The following PCDHGA7 variants were observed in gnomAD, a reference collection of about 807,000 sequenced individuals.
PCDHGA7 encodes the protein protocadherin gamma subfamily A, 7.
In PCDHGA7, 44 loss-of-function variants were observed where a neutral mutation model predicts 58.3. That is an observed-to-expected ratio of 0.75 (90% CI 0.59 to 0.97). The LOEUF (loss-of-function observed/expected upper bound fraction) is 0.97. PCDHGA7 is among the 50% of genes least tolerant of loss of function. The probability of loss-of-function intolerance (pLI) is 0.00; values close to 1 mark genes in which losing one functional copy is unlikely to be tolerated. For synonymous variants in PCDHGA7, 516 were observed against 504.2 expected, an observed-to-expected ratio of 1.02 and a Z score of -0.31; for missense variants, 1,266 against 1,188.7, an observed-to-expected ratio of 1.06 and a Z score of -0.96.
intron 1 of PCDHGA7, chr5:141,427,536 G>T (rs758610182): frequency 1.6e-6 from 1 of 626,396 alleles, no homozygotes; most frequent in Non-Finnish European, 3.0e-6. Context: ...GGAGTACAAC[G>T]TCACCATCAC....
intron 1 of PCDHGA7, among the ~76,000 whole-genome samples, chr5:141,449,339 G>T (rs1307731679): frequency 6.6e-6 from 1 of 151,930 alleles, no homozygotes; most frequent in Non-Finnish European, 1.5e-5. Context: ...AGGTGCAGTG[G>T]CTCACTCCTG....
At chr5:141,385,426 T>G (rs1781187652) in intron 1 of PCDHGA7, 103 bp downstream of exon 1, 1 of 1,460,770 alleles carries the variant, frequency 6.8e-7, no homozygotes. Flanking sequence ...TTAAAAAACT[T>G]TATAGAGGTA....
At chr5:141,421,618 G>T (rs748399893) in intron 1 of PCDHGA7, 1 of 1,613,766 alleles carries the variant, frequency 6.2e-7, no homozygotes, top group Non-Finnish European at 8.5e-7. Flanking sequence ...TAATGATAAC[G>T]CCCCCAGCTT....
Position 141,395,079 on chromosome 5 carries a change from G to A in PCDHGA7, c.2424+9756G>A, listed in dbSNP as rs777930721. On this transcript the variant is annotated intron_variant, in intron 1 of 3. Coordinates refer to ENST00000518325, the MANE Select transcript of PCDHGA7 (RefSeq NM_018920.4). ...GGCTTTCCTGCAGACCTATTCCCAG[G>A]AAGTCTCCCTCACCGCCGACTCGCG... 4.0e-5 allele frequency: 65 copies of A among 1,614,024 alleles called. 1 individual carries two copies. In the Middle Eastern group the frequency reaches 6.6e-4, roughly 16 times the overall value.
chr5:141,485,105 G>A lies in PCDHGA7; in HGVS notation c.2425-9702G>A. On this transcript the variant is annotated intron_variant, in intron 1 of 3. Transcript: ENST00000518325. The surrounding 1 kb of genome is among the most constrained non-coding windows in gnomAD (Gnocchi z 5.7). ...AGGGAGATAGGTGTCTCCAGCTGCT[G>A]TGGCTGTTTGGGGCGGGTCGGCTTC... 8.3e-7 allele frequency: 1 copy of A among 1,205,940 alleles called. No individual in the cohort carries two copies. Among genetic ancestry groups the A allele is most frequent in the Non-Finnish European group, 1.2e-6 (1 of 827,784 alleles). The allele number at this position is 1,205,940 out of a possible 1,614,324, so 74.7% of individuals were successfully genotyped here.
intron 2 of PCDHGA7, among the ~76,000 whole-genome samples, chr5:141,503,202 C>G (rs1562210201): frequency 6.6e-6 from 1 of 152,090 alleles, no homozygotes; most frequent in East Asian, 1.9e-4. Context: ...ATCAGCCTCT[C>G]AGTGCCCACC....
At chr5:141,423,022 T>C in intron 1 of PCDHGA7, 1 of 1,614,194 alleles carries the variant, frequency 6.2e-7, no homozygotes, top group Non-Finnish European at 8.5e-7. Flanking sequence ...GGACAAAGAT[T>C]CAGGCCAGAA....
At chr5:141,478,795 C>T (rs919747545) in intron 1 of PCDHGA7, 7 of 1,468,056 alleles carry the variant, frequency 4.8e-6, no homozygotes, top group Non-Finnish European at 6.3e-6. Flanking sequence ...ACATCCTCAG[C>T]ACTCTTTTGC....
chr5:141,416,178 C>G (rs1392436592), intron 1 of PCDHGA7: 3 of 152,408 alleles, frequency 2.0e-5, no homozygotes, highest in African/African-American at 2.4e-5. Context: ...CTAAGTTTTT[C>G]ATTAATATTG....
At chr5:141,422,399 T>C in intron 1 of PCDHGA7, 3 of 1,598,374 alleles carry the variant, frequency 1.9e-6, no homozygotes, top group Non-Finnish European at 2.6e-6. Context: ...CCTAACCACC[T>C]GCCTTTTAAA....
chr5:141,457,118 A>G (rs1427146922), intron 1 of PCDHGA7, among the ~76,000 whole-genome samples: 3 of 152,228 alleles, frequency 2.0e-5, no homozygotes, highest in Non-Finnish European at 4.4e-5. Context: ...TACGACAGCA[A>G]TGGAAACTCT....
At chr5:141,423,294 C>T (rs1222440954) in intron 1 of PCDHGA7, 22 of 1,614,036 alleles carry the variant, frequency 1.4e-5, no homozygotes, top group Admixed American at 1.3e-4. Flanking sequence ...AAACCTCAGA[C>T]CTCTCGCTGT....
chr5:141,415,736 T>G, intron 1 of PCDHGA7: 1 of 1,289,978 alleles, frequency 7.8e-7, no homozygotes, highest in South Asian at 1.8e-5. Context: ...TGATGTTTAT[T>G]AAGGTTTTTT....
At chr5:141,434,843 G>C (rs1302739038) in intron 1 of PCDHGA7, among the ~76,000 whole-genome samples, 2 of 151,746 alleles carry the variant, frequency 1.3e-5, no homozygotes, top group African/African-American at 4.8e-5. Flanking sequence ...TTATAAAGCA[G>C]ACATCAATAA....
chr5:141,433,208 C>CA, intron 1 of PCDHGA7: 1 of 1,293,080 alleles, frequency 7.7e-7, no homozygotes, highest in Non-Finnish European at 1.1e-6. Context: ...AATCTTCTTT[C>CA]TTTTTTTTTT....
At chr5:141,504,980 G>A (rs113323355) in intron 2 of PCDHGA7, among the ~76,000 whole-genome samples, 174 of 152,196 alleles carry the variant, frequency 1.1e-3, no homozygotes, top group African/African-American at 3.9e-3. Context: ...TGGCCAACAT[G>A]GTGAAACCCC....
chr5:141,451,284 G>A (rs950768919), intron 1 of PCDHGA7, among the ~76,000 whole-genome samples: 1 of 152,186 alleles, frequency 6.6e-6, no homozygotes. Context: ...GAGTGCCTCT[G>A]CCTCAAAGTC....
At chr5:141,465,284 A>C (rs2099100147) in intron 1 of PCDHGA7, among the ~76,000 whole-genome samples, 1 of 152,176 alleles carries the variant, frequency 6.6e-6, no homozygotes, top group African/African-American at 2.4e-5. Flanking sequence ...TTCACCCCTA[A>C]AGAACTGAGA....
intron 1 of PCDHGA7, chr5:141,396,045 C>G (rs2093338007): frequency 6.6e-6 from 1 of 152,166 alleles, no homozygotes; most frequent in Non-Finnish European, 1.5e-5. Context: ...TATTTCAATA[C>G]AATTCCAATT....
Sources: gnomAD v4.1 joint callset for allele counts (sites outside exome capture counted in the v4.1 genomes callset) on GRCh38, gnomAD v4.1.1 for gene constraint, Gnocchi (gnomAD v3.1) non-coding constraint, MANE v1.5 for transcripts, NCBI Gene and HGNC (gene_info 2026-07-23, HGNC 2026-07-21) for gene names.